PI4KA: variants seen among roughly 807,000 people sequenced by gnomAD.
PI4KA encodes PI4-kinase alpha.
In PI4KA, 122 loss-of-function variants were observed where a neutral mutation model predicts 271.4. The ratio of observed to expected loss-of-function variants is 0.45; its 90% CI spans 0.39 to 0.52. The LOEUF is 0.52. Ranked by LOEUF, PI4KA falls within the 20% of genes least tolerant of loss-of-function variation. The pLI, the probability that PI4KA is intolerant of heterozygous loss-of-function variation, is 0.00. For missense variants in PI4KA, 1,969 were observed against 2,769.1 expected (o/e 0.71, Z 6.48); for synonymous variants, 1,041 against 1,078.8 (o/e 0.96, Z 0.69).
chr22:20,829,919 T>A (rs1430433018), intron 3 of PI4KA, among the ~76,000 whole-genome samples: 3 of 152,240 alleles, frequency 2.0e-5, no homozygotes, highest in Non-Finnish European at 2.9e-5. Flanking sequence ...CCGAAGGTCA[T>A]TCAGGAGCAG....
chr22:20,807,127 A>G (rs767780431), intron 10 of PI4KA, among the ~76,000 whole-genome samples: 2 of 152,216 alleles, frequency 1.3e-5, no homozygotes, highest in Non-Finnish European at 2.9e-5. Flanking sequence ...TAAACACCTT[A>G]GGAAATAAAC....
intron 19 of PI4KA, chr22:20,779,373 A>T: frequency 6.2e-7 from 1 of 1,614,176 alleles, no homozygotes; most frequent in Non-Finnish European, 8.5e-7. Flanking sequence ...GTGGGGTGGG[A>T]GCAAAGGCCC....
intron 42 of PI4KA, chr22:20,725,659 C>T (rs1254720606): frequency 1.4e-5 from 5 of 359,394 alleles, no homozygotes; most frequent in South Asian, 4.1e-5. Flanking sequence ...CTTTTGGAGG[C>T]GGAGGTGGGC....
rs1227979600 is a variant in PI4KA at position 20,838,750 on chromosome 22, C to T, written c.157-19G>A. ...TTTGGACCTAGAAAATGAGACCCCC[C>T]CAAAAACAGCTCTACAAAATAGAAA... On this transcript the variant is annotated intron_variant, in intron 1 of 54. Transcript: ENST00000255882. The T allele has an allele frequency of 6.5e-6, 9 of 1,384,462 alleles. No individual in the cohort carries two copies. The highest frequency in any genetic ancestry group is 2.9e-5 in the African/African-American group (2 of 69,928). 85.8% of individuals were successfully genotyped at this position (1,384,462 alleles called of 1,614,324 possible).
At chr22:20,758,459 CTTTT>C (rs35401829) in intron 23 of PI4KA, among the ~76,000 whole-genome samples, 1 of 85,026 alleles carries the variant, frequency 1.2e-5, no homozygotes, top group Non-Finnish European at 2.2e-5. Context: ...TCTTTCTTTT[CTTTT>C]TTTTTTTTTT....
intron 23 of PI4KA, among the ~76,000 whole-genome samples, chr22:20,757,412 T>C (rs1931429374): frequency 6.6e-6 from 1 of 152,174 alleles, no homozygotes; most frequent in Non-Finnish European, 1.5e-5. Context: ...CGGAACAATT[T>C]AACGTCCTCT....
chr22:20,771,453 C>A (rs916459114), intron 19 of PI4KA, among the ~76,000 whole-genome samples: 3 of 151,498 alleles, frequency 2.0e-5, no homozygotes, highest in African/African-American at 7.3e-5. Flanking sequence ...CAAGCTGTTA[C>A]CACTAAATGG....
chr22:20,718,395 A>C (rs183668432), intron 44 of PI4KA, among the ~76,000 whole-genome samples: 2 of 152,306 alleles, frequency 1.3e-5, no homozygotes, highest in East Asian at 3.9e-4. Flanking sequence ...GGTGGCCTCA[A>C]ATTGTGGAGC....
At chr22:20,763,621 G>A (rs1932227507) in intron 22 of PI4KA, among the ~76,000 whole-genome samples, 1 of 152,020 alleles carries the variant, frequency 6.6e-6, no homozygotes, top group Non-Finnish European at 1.5e-5. Flanking sequence ...TGTATTTTTA[G>A]TAGAGATGGG....
chr22:20,829,248 G>A (rs142235503), intron 3 of PI4KA, among the ~76,000 whole-genome samples: 3 of 152,030 alleles, frequency 2.0e-5, no homozygotes, highest in Admixed American at 6.6e-5. Context: ...TCTTCTTTAT[G>A]CATCTGGTAG....
At chr22:20,745,858 G>C (rs1929995028) in intron 29 of PI4KA, among the ~76,000 whole-genome samples, 1 of 151,872 alleles carries the variant, frequency 6.6e-6, no homozygotes, top group Non-Finnish European at 1.5e-5. Flanking sequence ...GGGCAGTGCA[G>C]GCCGGCTCCC....
chr22:20,828,828 C>T (rs1279457208), intron 3 of PI4KA, among the ~76,000 whole-genome samples: 1 of 152,176 alleles, frequency 6.6e-6, no homozygotes, highest in Non-Finnish European at 1.5e-5. Context: ...GCTGGGATTA[C>T]AGGCGTGAGC....
In PI4KA at chr22:20,779,384, G is replaced by A. The variant is rs143920516; in HGVS notation, c.2329-13691C>T. 16 of 1,614,068 alleles carry A rather than the reference G, an allele frequency of 9.9e-6. No homozygotes were observed. In the African/African-American group the frequency reaches 1.3e-4, roughly 13 times the overall value. ...CTGCGTGGGGTGGGAGCAAAGGCCC[G>A]CTGGATCAGCTAGAGAAAGGAGGGG... On this transcript the variant is annotated intron_variant, in intron 19 of 54. Coordinates refer to ENST00000255882, the MANE Select transcript of PI4KA (RefSeq NM_058004.4).
At chr22:20,734,620 C>G in intron 32 of PI4KA, 67 bp from the exon 33 acceptor site, 5 of 1,461,556 alleles carry the variant, frequency 3.4e-6, no homozygotes, top group Non-Finnish European at 4.7e-6. Context: ...CAAGTTTTCT[C>G]TAATTAAAAA....
chr22:20,855,412 G>C (rs1927474320), intron 1 of PI4KA, among the ~76,000 whole-genome samples: 1 of 152,138 alleles, frequency 6.6e-6, no homozygotes, highest in African/African-American at 2.4e-5. Context: ...AAGGATGAGA[G>C]GAATTCACAT....
Position 20,712,430 on chromosome 22 carries a change from G to A in PI4KA, c.5802+56C>T. ...TGTGGGTGGAGGCTGGGTATGGGTG[G>A]CTGGGGTGGGGTGGAGCACACACGA... On this transcript the variant is annotated intron_variant, in intron 50 of 54. Coordinates refer to ENST00000255882, the MANE Select transcript of PI4KA (RefSeq NM_058004.4). 3.1e-6 allele frequency: 5 copies of A among 1,593,972 alleles called. No individual in the cohort carries two copies. In the South Asian group the frequency reaches 5.7e-5, roughly 18 times the overall value.
At chr22:20,851,093 C>T (rs566344981) in intron 1 of PI4KA, among the ~76,000 whole-genome samples, 10 of 152,220 alleles carry the variant, frequency 6.6e-5, no homozygotes, top group African/African-American at 2.2e-4. Context: ...GGCACAGTGG[C>T]TCATGCCTAT....
intron 27 of PI4KA, among the ~76,000 whole-genome samples, chr22:20,750,539 T>C (rs1930564437): frequency 6.6e-6 from 1 of 152,260 alleles, no homozygotes; most frequent in Non-Finnish European, 1.5e-5. Context: ...CACTATGATC[T>C]GTATGTAATT....
chr22:20,838,601 T>G lies in PI4KA; in HGVS notation c.273+14A>C, dbSNP rs960427932. ...TTTTACAATGAAGAAACTTTTAATT[T>G]CATGAAGACTTACCTGAAGATCAGA... is the stretch of plus-strand genomic sequence containing the variant. On this transcript the variant is annotated intron_variant, in intron 2 of 54. Coordinates refer to ENST00000255882, the MANE Select transcript of PI4KA (RefSeq NM_058004.4). 7.4e-6 allele frequency: 11 copies of G among 1,480,724 alleles called. No homozygotes were observed. The highest frequency in any genetic ancestry group is 8.5e-6 in the Non-Finnish European group (9 of 1,060,516). The allele number at this position is 1,480,724 out of a possible 1,614,324, so 91.7% of individuals were successfully genotyped here.
Sources: allele counts gnomAD v4.1 joint callset (sites outside exome capture counted in the v4.1 genomes callset), GRCh38; gene constraint gnomAD v4.1.1; transcripts MANE v1.5; gene names NCBI Gene and HGNC (gene_info 2026-07-23, HGNC 2026-07-21).